Variants in KREMEN1 observed in about 807,000 individuals in gnomAD.
KREMEN1 encodes kringle containing transmembrane protein 1.
Under a neutral mutation model 46.5 loss-of-function variants are expected in KREMEN1, and 30 were observed. The ratio of observed to expected loss-of-function variants is 0.65; its 90% CI spans 0.48 to 0.88. KREMEN1 has a LOEUF of 0.88. KREMEN1 is among the 40% of genes least tolerant of loss of function. The pLI, the probability that KREMEN1 is intolerant of heterozygous loss-of-function variation, is 0.00. For synonymous variants in KREMEN1, 214 were observed against 230.6 expected (o/e 0.93, Z 0.65); for missense variants, 533 against 596.9 (o/e 0.89, Z 1.11).
intron 3 of KREMEN1, among the ~76,000 whole-genome samples, chr22:29,108,565 C>A (rs2038096558): frequency 6.6e-6 from 1 of 152,172 alleles, no homozygotes; most frequent in Non-Finnish European, 1.5e-5. Context: ...ATGAAAGTAC[C>A]AACAGGTATT....
intron 1 of KREMEN1, among the ~76,000 whole-genome samples, chr22:29,085,602 C>T (rs1473683478): frequency 6.6e-6 from 1 of 152,152 alleles, no homozygotes; most frequent in Admixed American, 6.5e-5. Flanking sequence ...TCCTAAATCT[C>T]TATTAAGCCT....
At chr22:29,080,444 C>T (rs1211215767) in intron 1 of KREMEN1, among the ~76,000 whole-genome samples, 4 of 145,482 alleles carry the variant, frequency 2.7e-5, no homozygotes, top group African/African-American at 1.0e-4. Flanking sequence ...AGGCTGGGTG[C>T]GATGCCCTGC....
intron 3 of KREMEN1, among the ~76,000 whole-genome samples, chr22:29,111,953 T>C (rs1459911824): frequency 2.0e-5 from 3 of 152,194 alleles, no homozygotes; most frequent in Admixed American, 6.5e-5. Context: ...TCAAGCTAAC[T>C]TGAGCAAAAG....
chr22:29,095,401 A>G (rs1455994466), intron 2 of KREMEN1, among the ~76,000 whole-genome samples: 1 of 152,212 alleles, frequency 6.6e-6, no homozygotes, highest in Non-Finnish European at 1.5e-5. Flanking sequence ...GTTCAGGATC[A>G]CTGGTATGTA....
In KREMEN1 at chr22:29,167,479, C is replaced by T. The variant is rs139543538; in HGVS notation, c.*373C>T. 2.0e-3 allele frequency: 389 copies of T among 196,798 alleles called. 3 individuals are homozygous for T. Among genetic ancestry groups the T allele is most frequent in the African/African-American group, 8.6e-3 (371 of 43,238 alleles). The allele number at this position is 196,798 out of a possible 1,614,324, so 12.2% of individuals were successfully genotyped here. ...TGCACCTTTCTCACCTACTTTGGGACCTTTGGGGGTGAGTTCCCCTTTGTC... is the reference window on the plus strand; with the variant it reads ...TGCACCTTTCTCACCTACTTTGGGATCTTTGGGGGTGAGTTCCCCTTTGTC... On this transcript the variant is annotated 3_prime_UTR_variant, in exon 10 of 10. Coordinates refer to the KREMEN1 transcript ENST00000327813.
intron 3 of KREMEN1, among the ~76,000 whole-genome samples, chr22:29,116,374 G>A (rs147206632): frequency 2.6e-5 from 4 of 152,292 alleles, no homozygotes; most frequent in African/African-American, 9.6e-5. Context: ...TGTCACAATT[G>A]GCAAGTGATT....
intron 3 of KREMEN1, among the ~76,000 whole-genome samples, chr22:29,102,566 G>T (rs1458187914): frequency 6.6e-6 from 1 of 152,068 alleles, no homozygotes; most frequent in Non-Finnish European, 1.5e-5. Flanking sequence ...CTTTTATTTG[G>T]AAAGATAATC....
At chr22:29,137,943 A>G (rs2038697225) in intron 6 of KREMEN1, among the ~76,000 whole-genome samples, 1 of 152,220 alleles carries the variant, frequency 6.6e-6, no homozygotes, top group African/African-American at 2.4e-5. Context: ...GGGTTAAAAG[A>G]ATTTAAAAAA....
At position 29,146,756 on chromosome 22, in the gene KREMEN1, C is replaced by T. The variant is rs2038870990; in HGVS notation, c.*4644C>T. On this transcript the variant is annotated 3_prime_UTR_variant, in exon 9 of 9. Transcript: ENST00000400335. ...AAAATGGAATGTAATGGTACTTTTA[C>T]AAACGAGAAAAAATGTTATTTTTAC... is the stretch of plus-strand genomic sequence containing the variant. 1 of 951,912 alleles carries T rather than the reference C, an allele frequency of 1.1e-6. No homozygotes were observed. The highest frequency in any genetic ancestry group is 1.3e-6 in the Non-Finnish European group (1 of 799,288). 59.0% of individuals were successfully genotyped at this position (951,912 alleles called of 1,614,324 possible). A position where few individuals can be genotyped will look rare whatever the true frequency, so the allele number is the denominator to read the frequency against.
intron 3 of KREMEN1, among the ~76,000 whole-genome samples, chr22:29,100,830 T>C (rs527980104): frequency 1.3e-5 from 2 of 152,362 alleles, no homozygotes; most frequent in East Asian, 1.9e-4. Context: ...AAGACAGTGA[T>C]ATTGATGATC....
At chr22:29,075,710 T>TACAC (rs912973315) in intron 1 of KREMEN1, among the ~76,000 whole-genome samples, 1 of 151,370 alleles carries the variant, frequency 6.6e-6, no homozygotes, top group Non-Finnish European at 1.5e-5. Context: ...CACACACACA[T>TACAC]ACACACACAC....
Position 29,146,613 on chromosome 22 carries a change from T to G in KREMEN1, c.*4501T>G, listed in dbSNP as rs1350805227. The stretch of plus-strand genomic sequence containing the variant: ...GATGACAAGGCTTTATTTGTAAATA[T>G]GCTCTTAATATGCAACTTTGAGAAT... On this transcript the variant is annotated 3_prime_UTR_variant, in exon 9 of 9. Transcript: ENST00000400335. 1 of 984,650 alleles carries G rather than the reference T, an allele frequency of 1.0e-6. No homozygotes were observed. The highest frequency in any genetic ancestry group is 1.1e-4 in the East Asian group (1 of 8,816). 61.0% of individuals were successfully genotyped at this position (984,650 alleles called of 1,614,324 possible).
At chr22:29,084,218 T>TG (rs1229227546) in intron 1 of KREMEN1, among the ~76,000 whole-genome samples, 1 of 152,070 alleles carries the variant, frequency 6.6e-6, no homozygotes, top group Non-Finnish European at 1.5e-5. Flanking sequence ...ATCTTGGTTT[T>TG]GGGGGGTTTT....
Position 29,143,910 on chromosome 22 carries a change from G to A in KREMEN1, c.*1798G>A, listed in dbSNP as rs2038811541. Reference sequence around the variant, plus strand: ...GGCTGCAGAGATTGGTGCCAGAAGAGGGTGGGTTTGGGAATTGGAGCTCCT... The same window carrying A: ...GGCTGCAGAGATTGGTGCCAGAAGAAGGTGGGTTTGGGAATTGGAGCTCCT... On this transcript the variant is annotated 3_prime_UTR_variant, in exon 9 of 9. Coordinates refer to ENST00000400335, the MANE Select transcript of KREMEN1 (RefSeq NM_001039570.3). 1 of 985,464 alleles carries A rather than the reference G, an allele frequency of 1.0e-6. No homozygotes were observed. The highest frequency in any genetic ancestry group is 1.2e-6 in the Non-Finnish European group (1 of 829,972). 61.0% of individuals were successfully genotyped at this position (985,464 alleles called of 1,614,324 possible). A position where few individuals can be genotyped will look rare whatever the true frequency, so the allele number is the denominator to read the frequency against.
intron 2 of KREMEN1, 84 bp downstream of exon 2, chr22:29,094,504 T>C (rs757674808): frequency 5.0e-5 from 66 of 1,319,626 alleles, no homozygotes; most frequent in Non-Finnish European, 6.5e-5. Context: ...AGCTCACAAC[T>C]AGGGGAAGTC....
At chr22:29,164,668 C>T (rs1244732733) in intron 9 of KREMEN1, among the ~76,000 whole-genome samples, 1 of 150,594 alleles carries the variant, frequency 6.6e-6, no homozygotes, top group African/African-American at 2.5e-5. Context: ...ATCACTTGAA[C>T]CCGGGAGGCA....
At chr22:29,077,193 G>A (rs1381556131) in intron 1 of KREMEN1, among the ~76,000 whole-genome samples, 1 of 152,126 alleles carries the variant, frequency 6.6e-6, no homozygotes, top group Non-Finnish European at 1.5e-5. Flanking sequence ...TTTTGTAGAG[G>A]AAGACAGTAA....
chr22:29,098,277 A>T (rs2037915166), intron 2 of KREMEN1, among the ~76,000 whole-genome samples: 1 of 152,052 alleles, frequency 6.6e-6, no homozygotes, highest in Non-Finnish European at 1.5e-5. Context: ...ATGGATATAC[A>T]ATTTATTTAA....
chr22:29,136,526 G>A (rs2038659741), intron 5 of KREMEN1, among the ~76,000 whole-genome samples: 1 of 147,206 alleles, frequency 6.8e-6, no homozygotes, highest in Admixed American at 6.8e-5. Flanking sequence ...AGTGAGCCGA[G>A]ATCACACCAC....
Sources: allele counts gnomAD v4.1 joint callset (sites outside exome capture counted in the v4.1 genomes callset), GRCh38; gene constraint gnomAD v4.1.1; transcripts MANE v1.5; gene names NCBI Gene and HGNC (gene_info 2026-07-23, HGNC 2026-07-21).